CALN1: variants seen among roughly 807,000 people sequenced by gnomAD.
CALN1 encodes calneuron 1, also known as calcium-binding protein 8.
A neutral mutation model predicts 30.6 loss-of-function variants in CALN1; 17 were observed. The ratio of observed to expected loss-of-function variants is 0.56; its 90% CI spans 0.38 to 0.83. The LOEUF is 0.83. CALN1 is among the 40% of genes least tolerant of loss of function. The pLI, the probability that CALN1 is intolerant of heterozygous loss-of-function variation, is 0.00. For missense variants in CALN1, 291 were observed against 354.9 expected (o/e 0.82, Z 1.45); for synonymous variants, 156 against 131.4 (o/e 1.19, Z -1.28).
At chr7:72,404,142 T>C (rs943148879) in intron 1 of CALN1, among the ~76,000 whole-genome samples, 9 of 152,162 alleles carry the variant, frequency 5.9e-5, no homozygotes, top group Non-Finnish European at 1.0e-4. Context: ...TCACCTCTTC[T>C]GAAAAGTTGT....
At chr7:72,032,586 C>G (rs1339574700) in intron 4 of CALN1, among the ~76,000 whole-genome samples, 1 of 152,202 alleles carries the variant, frequency 6.6e-6, no homozygotes, top group Non-Finnish European at 1.5e-5. Flanking sequence ...ATCTCAAGCT[C>G]TTTTCAAAGT....
chr7:72,059,636 G>A (rs1443541580), intron 4 of CALN1, among the ~76,000 whole-genome samples: 4 of 146,226 alleles, frequency 2.7e-5, no homozygotes, highest in Non-Finnish European at 6.1e-5. Flanking sequence ...GTGAACTCAG[G>A]GTACCCACAG....
chr7:72,199,218 T>C (rs1240844215), intron 3 of CALN1, among the ~76,000 whole-genome samples: 2 of 152,186 alleles, frequency 1.3e-5, no homozygotes, highest in East Asian at 3.8e-4. Flanking sequence ...AAGGTTGCAG[T>C]GAGCTGAGAT....
chr7:71,973,745 C>A (rs1797964937), intron 5 of CALN1, among the ~76,000 whole-genome samples: 1 of 152,024 alleles, frequency 6.6e-6, no homozygotes, highest in South Asian at 2.1e-4. Flanking sequence ...TCCATTATCA[C>A]TGAAAATGAG....
At chr7:71,927,993 A>G (rs933993052) in intron 5 of CALN1, among the ~76,000 whole-genome samples, 8 of 152,086 alleles carry the variant, frequency 5.3e-5, no homozygotes, top group African/African-American at 1.9e-4. Flanking sequence ...CCTGTGTCCT[A>G]GTGACCACAA....
intron 5 of CALN1, among the ~76,000 whole-genome samples, chr7:71,992,770 T>G (rs553355358): frequency 6.6e-6 from 1 of 152,232 alleles, no homozygotes; most frequent in Non-Finnish European, 1.5e-5. Context: ...AATCATATTT[T>G]CGAGACCAGC....
At chr7:72,364,130 C>T (rs1039570798) in intron 2 of CALN1, among the ~76,000 whole-genome samples, 1 of 151,770 alleles carries the variant, frequency 6.6e-6, no homozygotes. Context: ...CACGAAAAGA[C>T]ACTTGAACAA....
At chr7:72,245,487 T>TG (rs1795100368) in intron 3 of CALN1, among the ~76,000 whole-genome samples, 1 of 151,946 alleles carries the variant, frequency 6.6e-6, no homozygotes, top group Non-Finnish European at 1.5e-5. Context: ...GGCATGGTGG[T>TG]GGGCACCTGT....
intron 2 of CALN1, among the ~76,000 whole-genome samples, chr7:72,343,950 C>T (rs1271932322): frequency 6.6e-6 from 1 of 152,172 alleles, no homozygotes; most frequent in Non-Finnish European, 1.5e-5. Flanking sequence ...CCCAAAAGGG[C>T]TTCTACATGT....
chr7:72,501,948 TACACACATATATATATATAA>T, the CALN1 span, among the ~76,000 whole-genome samples: 41 of 72,336 alleles, frequency 5.7e-4, 3 homozygotes, highest in African/African-American at 1.5e-3. Flanking sequence ...TATATATATA[TACACACATATATATATATAA>T]ATATATATAC....
intron 5 of CALN1, among the ~76,000 whole-genome samples, chr7:71,972,666 T>C (rs1797906705): frequency 6.6e-6 from 1 of 152,176 alleles, no homozygotes; most frequent in South Asian, 2.1e-4. Context: ...GGAAATTTAA[T>C]GGATTTTAAT....
At chr7:72,277,316 G>A (rs767704359) in intron 3 of CALN1, among the ~76,000 whole-genome samples, 10 of 152,304 alleles carry the variant, frequency 6.6e-5, no homozygotes, top group South Asian at 4.1e-4. Context: ...ATTTGTGGTC[G>A]CCTGTATGGG....
intron 3 of CALN1, among the ~76,000 whole-genome samples, chr7:72,142,291 G>C (rs1349470753): frequency 3.3e-5 from 5 of 152,156 alleles, no homozygotes; most frequent in Non-Finnish European, 7.3e-5. Flanking sequence ...GTGCTTTTCT[G>C]ACGGTCTTAG....
intron 4 of CALN1, among the ~76,000 whole-genome samples, chr7:72,036,423 C>T (rs935506397): frequency 1.3e-5 from 2 of 152,156 alleles, no homozygotes; most frequent in Non-Finnish European, 2.9e-5. Context: ...CAAATATTCC[C>T]TCTGCTCCCT....
chr7:72,429,018 G>A (rs566392190), intron 1 of CALN1, among the ~76,000 whole-genome samples: 7 of 152,244 alleles, frequency 4.6e-5, no homozygotes, highest in South Asian at 2.1e-4. Flanking sequence ...GCTGCTGTCC[G>A]GCCTGGCTAA....
At chr7:72,268,938 A>T (rs1242441510) in intron 3 of CALN1, among the ~76,000 whole-genome samples, 1 of 152,150 alleles carries the variant, frequency 6.6e-6, no homozygotes, top group Non-Finnish European at 1.5e-5. Context: ...TATATGAGGC[A>T]ACTGTTTTCA....
At chr7:71,937,437 T>C (rs1795901115) in intron 5 of CALN1, among the ~76,000 whole-genome samples, 1 of 149,342 alleles carries the variant, frequency 6.7e-6, no homozygotes, top group Non-Finnish European at 1.5e-5. Flanking sequence ...TGTATATGTA[T>C]ATACATCTAA....
At chr7:72,023,117 T>A (rs1057111517) in intron 5 of CALN1, among the ~76,000 whole-genome samples, 1 of 152,142 alleles carries the variant, frequency 6.6e-6, no homozygotes, top group Non-Finnish European at 1.5e-5. Flanking sequence ...AGTAGAGAAC[T>A]AATATAAAAA....
At chr7:71,804,587 G>A (rs765448187) in intron 6 of CALN1, among the ~76,000 whole-genome samples, 5 of 152,190 alleles carry the variant, frequency 3.3e-5, no homozygotes, top group Non-Finnish European at 7.3e-5. Context: ...GGGAGGCCAG[G>A]GTGGGAGGAT....
Sources: gnomAD v4.1 joint callset for allele counts (sites outside exome capture counted in the v4.1 genomes callset) on GRCh38, gnomAD v4.1.1 for gene constraint, MANE v1.5 for transcripts, NCBI Gene and HGNC (gene_info 2026-07-23, HGNC 2026-07-21) for gene names.